LRRC4B: variants seen among roughly 807,000 people sequenced by gnomAD.
LRRC4B encodes the protein leucine rich repeat containing 4B, also known as leucine-rich repeat-containing protein 4B.
In LRRC4B, 1 loss-of-function variant was observed where a neutral mutation model predicts 7.3. That is an observed-to-expected ratio of 0.14 (90% CI 0.05 to 0.65). LRRC4B has a LOEUF of 0.65. LRRC4B is among the 30% of genes least tolerant of loss of function. The pLI, the probability that LRRC4B is intolerant of heterozygous loss-of-function variation, is 0.84. For synonymous variants in LRRC4B, 500 were observed against 499.2 expected (o/e 1.00, Z -0.02); for missense variants, 730 against 1,041.6 (o/e 0.70, Z 4.12).
chr19:50,552,590 G>A (rs1568733786), intron 1 of LRRC4B, among the ~76,000 whole-genome samples: 18 of 110,368 alleles, frequency 1.6e-4, no homozygotes, highest in African/African-American at 5.6e-4. Context: ...CCATCCATCT[G>A]TCCATCCATC....
chr19:50,539,737 A>G (rs1249058158), intron 2 of LRRC4B, among the ~76,000 whole-genome samples: 2 of 151,996 alleles, frequency 1.3e-5, no homozygotes, highest in Non-Finnish European at 2.9e-5. Flanking sequence ...AAATACAAAA[A>G]TCAGCAGGGC....
rs993722625 is a variant in LRRC4B at position 50,555,078 on chromosome 19, G to T, written c.-35-6205C>A. On this transcript the variant is annotated intron_variant, in intron 1 of 2. Coordinates refer to ENST00000652263, the MANE Select transcript of LRRC4B (RefSeq NM_001080457.2). The surrounding 1 kb of genome is among the most constrained non-coding windows in gnomAD (Gnocchi z 5.2). ...ACGGCTTCACGCCCGGCTGGCAGAG[G>T]CTCCATGGACTGCCCTCTGCCCCCA... 6.6e-6 allele frequency among the ~76,000 whole-genome samples: 1 copy of T among 152,176 alleles called. No homozygotes were observed. The highest frequency in any genetic ancestry group is 2.4e-5 in the African/African-American group (1 of 41,434).
In LRRC4B at chr19:50,519,796, C is replaced by T. The variant is rs1260531546; in HGVS notation, c.298-381G>A. 6.6e-6 allele frequency among the ~76,000 whole-genome samples: 1 copy of T among 152,108 alleles called. No individual in the cohort carries two copies. The highest frequency in any genetic ancestry group is 6.6e-5 in the Admixed American group (1 of 15,266). On this transcript the variant is annotated intron_variant, in intron 2 of 2. Transcript: ENST00000652263. The surrounding 1 kb of genome is among the most constrained non-coding windows in gnomAD (Gnocchi z 8.1). ...GCTGAGGCACGAGAATCACTTGAAC[C>T]CAGGAGGCGGAGTCTGCAGTGAGTC...
chr19:50,566,047 C>T (rs1457548270), intron 1 of LRRC4B, among the ~76,000 whole-genome samples: 1 of 152,040 alleles, frequency 6.6e-6, no homozygotes, highest in African/African-American at 2.4e-5. Flanking sequence ...TTGGACAATC[C>T]GGTGGCCAGG....
intron 2 of LRRC4B, among the ~76,000 whole-genome samples, chr19:50,539,735 A>C (rs1453881198): frequency 6.6e-6 from 1 of 151,938 alleles, no homozygotes; most frequent in Non-Finnish European, 1.5e-5. Flanking sequence ...AAAAATACAA[A>C]AATCAGCAGG....
rs548763341 is a variant in LRRC4B, at chr19:50,537,971, G to A, written c.297+10571C>T. Reference sequence around the variant, plus strand: ...TCCTGGCTGCTGGTCGCAGGCCCGCGGCTGGGGAATGTCCCAGTTGACCTC... The same window carrying A: ...TCCTGGCTGCTGGTCGCAGGCCCGCAGCTGGGGAATGTCCCAGTTGACCTC... On this transcript the variant is annotated intron_variant, in intron 2 of 2. Transcript: ENST00000652263. The surrounding 1 kb of genome is among the most constrained non-coding windows in gnomAD (Gnocchi z 5.5). Among the ~76,000 whole-genome samples the A allele has an allele frequency of 2.0e-5, 3 of 152,284 alleles. No individual in the cohort carries two copies. The highest frequency in any genetic ancestry group is 1.9e-4 in the East Asian group (1 of 5,176).
rs763992084 is a variant in LRRC4B, at chr19:50,519,002, C to T, written c.711G>A (p.Ser237=). 19 of 1,612,246 alleles carry T rather than the reference C, an allele frequency of 1.2e-5. No homozygotes were observed. The highest frequency in any genetic ancestry group is 1.6e-4 in the Middle Eastern group (1 of 6,084). The part of the protein sequence containing the change: ...ALVRLEELEL[S]GNRLDLIRPG... ...GGCGGATCAGGTCCAGCCGGTTGCC[C>T]GACAGCTCCAGCTCCTCCAGGCGCA... Residue 237 remains serine, a synonymous_variant, in exon 3 of 3, where the codon TCG becomes TCA. Transcript: ENST00000652263. This position sits in a 1 kb window ranked among gnomAD's most constrained non-coding sequence, Gnocchi z 8.1.
rs376304887 is a variant in LRRC4B at position 50,518,509 on chromosome 19, T to A, written c.1204A>T (p.Thr402Ser). 4.5e-6 allele frequency: 7 copies of A among 1,566,210 alleles called. No homozygotes were observed. The highest frequency in any genetic ancestry group is 5.2e-6 in the Non-Finnish European group (6 of 1,154,478). ...CGGTAGGAGCCGTGGGTCATGAGGG[T>A]GCCGTTGGGCGTCAGCCAGTTGACG... ...TSVNWLTPNG[T>S]LMTHGSYRVR... Residue 402 changes from threonine to serine, a missense_variant, in exon 3 of 3, where the codon ACC becomes TCC. Thr to Ser is a moderately conservative substitution (Grantham distance 58). This residue lies in a region of LRRC4B where 226 missense variants were observed against 448.0 expected (regional missense o/e 0.50). Coordinates refer to ENST00000652263, the MANE Select transcript of LRRC4B (RefSeq NM_001080457.2).
intron 2 of LRRC4B, among the ~76,000 whole-genome samples, chr19:50,527,722 C>T (rs191474867): frequency 1.3e-4 from 19 of 149,022 alleles, no homozygotes; most frequent in African/African-American, 4.5e-4. Flanking sequence ...CCCTCCCTCC[C>T]TCCCTCTTTC....
intron 1 of LRRC4B, among the ~76,000 whole-genome samples, chr19:50,564,202 G>A (rs1255849883): frequency 6.6e-6 from 1 of 152,148 alleles, no homozygotes; most frequent in Non-Finnish European, 1.5e-5. Context: ...GTTATCCAGG[G>A]GGAAGACGAT....
intron 2 of LRRC4B, among the ~76,000 whole-genome samples, chr19:50,527,551 CAT>C (rs1980865960): frequency 6.6e-6 from 1 of 151,872 alleles, no homozygotes; most frequent in Non-Finnish European, 1.5e-5. Flanking sequence ...CCCTTAATAA[CAT>C]TGTGAGTATT....
Position 50,532,433 on chromosome 19 carries a change from G to A in LRRC4B, c.298-13018C>T, listed in dbSNP as rs1981100368. Among the ~76,000 whole-genome samples, 5 of 152,088 alleles carry A rather than the reference G, an allele frequency of 3.3e-5. No homozygotes were observed. In the South Asian group the frequency reaches 1.0e-3, roughly 32 times the overall value. ...AAGTGTCAGAGGCCCTTCAGAACCT[G>A]CCCTGCTGCCCTCTCCTTGACTCTA... On this transcript the variant is annotated intron_variant, in intron 2 of 2. Coordinates refer to ENST00000652263, the MANE Select transcript of LRRC4B (RefSeq NM_001080457.2).
In LRRC4B at chr19:50,563,937, G is replaced by C. The variant is rs944157990; in HGVS notation, c.-36+4007C>G. ...TAAGTGGAAACAGGGCCCAGTCAAA[G>C]TGAGGCTTGGAGTTAGGGCAAACTG... On this transcript the variant is annotated intron_variant, in intron 1 of 2. Coordinates refer to ENST00000652263, the MANE Select transcript of LRRC4B (RefSeq NM_001080457.2). The surrounding 1 kb of genome is among the most constrained non-coding windows in gnomAD (Gnocchi z 4.9). 6.6e-6 allele frequency among the ~76,000 whole-genome samples: 1 copy of C among 152,186 alleles called. No individual in the cohort carries two copies. The highest frequency in any genetic ancestry group is 1.5e-5 in the Non-Finnish European group (1 of 68,028).
At chr19:50,528,621 G>A (rs965921616) in intron 2 of LRRC4B, among the ~76,000 whole-genome samples, 4 of 152,094 alleles carry the variant, frequency 2.6e-5, no homozygotes, top group Admixed American at 1.3e-4. Flanking sequence ...CTGCGATGAC[G>A]GGCGTGAGCC....
At position 50,553,434 on chromosome 19, in the gene LRRC4B, G is replaced by A. The variant is rs1457633903; in HGVS notation, c.-35-4561C>T. Among the ~76,000 whole-genome samples the A allele has an allele frequency of 6.6e-6, 1 of 152,182 alleles. No individual in the cohort carries two copies. The highest frequency in any genetic ancestry group is 1.5e-5 in the Non-Finnish European group (1 of 68,040). On this transcript the variant is annotated intron_variant, in intron 1 of 2. Transcript: ENST00000652263. This position sits in a 1 kb window ranked among gnomAD's most constrained non-coding sequence, Gnocchi z 4.2. ...TCCCTCCTCCCCCTGCTCACTCGCT[G>A]TTTCCAGAACAGGCCGTGCACACCC...
At position 50,563,986 on chromosome 19, in the gene LRRC4B, C is replaced by A. The variant is rs1311659389; in HGVS notation, c.-36+3958G>T. Among the ~76,000 whole-genome samples the A allele has an allele frequency of 6.6e-6, 1 of 151,946 alleles. No homozygotes were observed. The highest frequency in any genetic ancestry group is 1.9e-4 in the East Asian group (1 of 5,182). ...TGATGGGGGGATGAAGGAGGAGGGG[C>A]AGAGAGAGGACCCGGCAAGGGAAAC... On this transcript the variant is annotated intron_variant, in intron 1 of 2. Transcript: ENST00000652263. This position sits in a 1 kb window ranked among gnomAD's most constrained non-coding sequence, Gnocchi z 4.9.
rs1277439998 is a variant in LRRC4B at position 50,556,062 on chromosome 19, A to C, written c.-35-7189T>G. 6.6e-6 allele frequency among the ~76,000 whole-genome samples: 1 copy of C among 152,134 alleles called. No individual in the cohort carries two copies. The highest frequency in any genetic ancestry group is 1.5e-5 in the Non-Finnish European group (1 of 68,022). ...CATGTCCTGAATGCTTTCAAAATAA[A>C]AGCAGCCCCACAGCGCCGAGAATTG... On this transcript the variant is annotated intron_variant, in intron 1 of 2. Coordinates refer to ENST00000652263, the MANE Select transcript of LRRC4B (RefSeq NM_001080457.2). This position sits in a 1 kb window ranked among gnomAD's most constrained non-coding sequence, Gnocchi z 4.2.
At chr19:50,562,742 GT>G (rs552875438) in intron 1 of LRRC4B, among the ~76,000 whole-genome samples, 27 of 128,354 alleles carry the variant, frequency 2.1e-4, no homozygotes, top group South Asian at 5.1e-4. Context: ...TTTTTTTTTT[GT>G]TTTTTTTTTT....
At chr19:50,521,965 C>T (rs573546532) in intron 2 of LRRC4B, among the ~76,000 whole-genome samples, 86 of 152,220 alleles carry the variant, frequency 5.6e-4, no homozygotes, top group Admixed American at 4.6e-3. Context: ...CACTTGAGCT[C>T]GGGAATTGAA....
Sources: gnomAD v4.1 joint callset for allele counts (sites outside exome capture counted in the v4.1 genomes callset) on GRCh38, gnomAD v4.1.1 for gene constraint, gnomAD v4.1.1 regional missense constraint, Gnocchi (gnomAD v3.1) non-coding constraint, MANE v1.5 for transcripts, NCBI Gene and HGNC (gene_info 2026-07-23, HGNC 2026-07-21) for gene names.